Variants in TBCD observed in about 807,000 individuals in gnomAD.
TBCD encodes the protein tubulin-specific chaperone D.
TBCD carries 105 observed loss-of-function variants against 169.3 expected under a neutral mutation model. The ratio of observed to expected loss-of-function variants is 0.62; its 90% CI spans 0.53 to 0.73. TBCD has a LOEUF of 0.73. Among genes scored for constraint, TBCD ranks in the 30% least tolerant of loss-of-function variants. TBCD has a pLI of 0.00. For missense variants in TBCD, 1,444 were observed against 1,600.1 expected, an observed-to-expected ratio of 0.90 and a Z score of 1.66; for synonymous variants, 700 against 643.9, an observed-to-expected ratio of 1.09 and a Z score of -1.32.
At position 82,925,045 on chromosome 17, in the gene TBCD, C is replaced by T; in HGVS notation, c.2367C>T (p.Gly789=). Residue 789 remains glycine (G), a synonymous_variant, in exon 27 of 39, where the codon GGC becomes GGT. Transcript: ENST00000355528. ...CCCTTCCAGGCTTCCTTCTGAAAGG[C>T]CGGCTCCAGCAGGTGAGGCTGGCCA... ...LGALPGFLLK[G]RLQQVLTGLR... 1 of 1,556,348 alleles carries T rather than the reference C, an allele frequency of 6.4e-7. No individual in the cohort carries two copies. Among genetic ancestry groups the T allele is most frequent in the Non-Finnish European group, 8.7e-7 (1 of 1,149,886 alleles).
At chr17:82,810,703 G>A (rs1425205997) in intron 12 of TBCD, among the ~76,000 whole-genome samples, 4 of 152,234 alleles carry the variant, frequency 2.6e-5, no homozygotes, top group African/African-American at 4.8e-5. Flanking sequence ...TTTCAGAAGC[G>A]GAGGGTCGAG....
chr17:82,810,507 A>T (rs950308346), intron 12 of TBCD, among the ~76,000 whole-genome samples: 1 of 148,300 alleles, frequency 6.7e-6, no homozygotes, highest in Non-Finnish European at 1.5e-5. Flanking sequence ...GCCTTCAGGG[A>T]GTTCTGGGTC....
chr17:82,882,702 G>T (rs1015557849), intron 14 of TBCD, among the ~76,000 whole-genome samples: 15 of 152,018 alleles, frequency 9.9e-5, no homozygotes, highest in Non-Finnish European at 2.1e-4. Flanking sequence ...AGTGGGCCTG[G>T]GTCTGGGGCA....
At chr17:82,892,210 G>C (rs1024155174) in intron 16 of TBCD, among the ~76,000 whole-genome samples, 1 of 152,196 alleles carries the variant, frequency 6.6e-6, no homozygotes, top group Admixed American at 6.5e-5. Flanking sequence ...TCTTGTTCTC[G>C]GTGAGACCTG....
intron 13 of TBCD, among the ~76,000 whole-genome samples, chr17:82,846,829 C>T (rs1355847478): frequency 6.6e-6 from 1 of 152,060 alleles, no homozygotes; most frequent in African/African-American, 2.4e-5. Flanking sequence ...GGGCGCCTCC[C>T]TCCCCACCCA....
At position 82,854,068 on chromosome 17, in the gene TBCD, A is replaced by G. The variant is rs972217503; in HGVS notation, c.1319-16156A>G. On this transcript the variant is annotated intron_variant, in intron 13 of 38. Coordinates refer to ENST00000355528, the MANE Select transcript of TBCD (RefSeq NM_005993.5). Reference sequence around the variant, plus strand: ...GAGCCAACAGCCAGCTTCTTAGCCTACCCTCCAAGTAACACACAGCACACC... The same window carrying G: ...GAGCCAACAGCCAGCTTCTTAGCCTGCCCTCCAAGTAACACACAGCACACC... 3.3e-5 allele frequency among the ~76,000 whole-genome samples: 5 copies of G among 152,086 alleles called. No homozygotes were observed. The East Asian group carries it at 9.6e-4, about 29-fold the overall frequency.
chr17:82,934,051 T>C (rs1243542694), intron 34 of TBCD, among the ~76,000 whole-genome samples: 1 of 152,234 alleles, frequency 6.6e-6, no homozygotes, highest in Non-Finnish European at 1.5e-5. Context: ...GGCCATCTTT[T>C]GGGTGGTTCG....
At chr17:82,822,237 G>A (rs1376771983) in intron 13 of TBCD, among the ~76,000 whole-genome samples, 1 of 152,248 alleles carries the variant, frequency 6.6e-6, no homozygotes, top group Non-Finnish European at 1.5e-5. Flanking sequence ...TTTCTGTGAC[G>A]GTGAAGGGGA....
chr17:82,753,175 C>T (rs1314608469), intron 1 of TBCD, among the ~76,000 whole-genome samples: 3 of 152,306 alleles, frequency 2.0e-5, no homozygotes, highest in East Asian at 3.9e-4. Context: ...ATTTGGCCTT[C>T]CTCATTTTAG....
intron 7 of TBCD, among the ~76,000 whole-genome samples, chr17:82,794,058 A>AC (rs1358998776): frequency 6.6e-6 from 1 of 152,068 alleles, no homozygotes; most frequent in African/African-American, 2.4e-5. Context: ...AGCCTGTGTT[A>AC]CCAGCCAGAG....
intron 14 of TBCD, among the ~76,000 whole-genome samples, chr17:82,871,917 G>C (rs541078297): frequency 6.9e-6 from 1 of 145,010 alleles, no homozygotes; most frequent in Admixed American, 6.7e-5. Flanking sequence ...CAAGCAGCTC[G>C]TTGTGAGGCA....
At chr17:82,801,417 G>A (rs115810139) in intron 9 of TBCD, among the ~76,000 whole-genome samples, 15 of 152,268 alleles carry the variant, frequency 9.9e-5, no homozygotes, top group East Asian at 5.8e-4. Context: ...TGCAGCTGGC[G>A]TTGGCAGGAA....
chr17:82,758,005 C>A (rs999777515), intron 2 of TBCD, among the ~76,000 whole-genome samples: 17 of 152,186 alleles, frequency 1.1e-4, no homozygotes, highest in African/African-American at 3.6e-4. Context: ...TGCCAGACCT[C>A]TTTCCAGAGT....
rs7217538 is a variant in TBCD at position 82,782,932 on chromosome 17, C to T, written c.771+1211C>T. Among the ~76,000 whole-genome samples, 17 of 150,514 alleles carry T rather than the reference C, an allele frequency of 1.1e-4. No homozygotes were observed. Among genetic ancestry groups the T allele is most frequent in the East Asian group, 5.9e-4 (3 of 5,108 alleles). On this transcript the variant is annotated intron_variant, in intron 7 of 38. Coordinates refer to ENST00000355528, the MANE Select transcript of TBCD (RefSeq NM_005993.5). This position sits in a 1 kb window ranked among gnomAD's most constrained non-coding sequence, Gnocchi z 5.1. ...TGCGGTGTCGTCTTCCTGTCCATGGCGGCCTCCTGTCCGCGGTGCCCTCCT... is the reference window on the plus strand; with the variant it reads ...TGCGGTGTCGTCTTCCTGTCCATGGTGGCCTCCTGTCCGCGGTGCCCTCCT...
rs1249093978 is a variant in TBCD at position 82,831,784 on chromosome 17, G to T, written c.1318+16850G>T. ...GGAAATGGCCCCAAGCCCCTTTGTA[G>T]ATGAGATTTTATGTGGAAACTCTGG... is the stretch of plus-strand genomic sequence containing the variant. On this transcript the variant is annotated intron_variant, in intron 13 of 38. Transcript: ENST00000355528. This position sits in a 1 kb window ranked among gnomAD's most constrained non-coding sequence, Gnocchi z 4.6. 3 of 1,614,098 alleles carry T rather than the reference G, an allele frequency of 1.9e-6. No homozygotes were observed. Among genetic ancestry groups the T allele is most frequent in the South Asian group, 2.2e-5 (2 of 91,086 alleles).
chr17:82,763,912 A>G (rs1227113684), intron 2 of TBCD, 53 bp from the exon 3 acceptor site: 15 of 1,513,536 alleles, frequency 9.9e-6, no homozygotes, highest in Admixed American at 7.1e-5. Context: ...GCCGGCCTCA[A>G]TGTCATGTTG....
At chr17:82,808,099 A>G (rs1487036543) in intron 11 of TBCD, among the ~76,000 whole-genome samples, 1 of 152,146 alleles carries the variant, frequency 6.6e-6, no homozygotes, top group African/African-American at 2.4e-5. Context: ...GTGGGAGTCG[A>G]CATGCACCCT....
chr17:82,937,517 A>G (rs1397857405), intron 35 of TBCD, 157 bp downstream of exon 35: 1 of 684,842 alleles, frequency 1.5e-6, no homozygotes, highest in African/African-American at 1.8e-5. Context: ...AGCAGTCGCA[A>G]TGGGAGGTGA....
At chr17:82,929,528 A>T (rs776625918) in intron 32 of TBCD, 28 bp downstream of exon 32, 16 of 1,600,536 alleles carry the variant, frequency 1.0e-5, no homozygotes, top group Non-Finnish European at 1.2e-5. Context: ...TGGCTGGGGC[A>T]GGAGGTGGCT....
Sources: allele counts gnomAD v4.1 joint callset (sites outside exome capture counted in the v4.1 genomes callset), GRCh38; gene constraint gnomAD v4.1.1; non-coding constraint Gnocchi (gnomAD v3.1); transcripts MANE v1.5; gene names NCBI Gene and HGNC (gene_info 2026-07-23, HGNC 2026-07-21).